CBLIF: variants seen among roughly 807,000 people sequenced by gnomAD.
CBLIF encodes cobalamin binding intrinsic factor.
A neutral mutation model predicts 44.9 loss-of-function variants in CBLIF; 24 were observed. The ratio of observed to expected loss-of-function variants is 0.53; its 90% CI spans 0.39 to 0.75. CBLIF has a LOEUF of 0.75. Ranked by LOEUF, CBLIF falls within the 30% of genes least tolerant of loss-of-function variation. CBLIF has a pLI of 0.00. For synonymous variants in CBLIF, 183 were observed against 190.9 expected (o/e 0.96, Z 0.34); for missense variants, 481 against 513.0 (o/e 0.94, Z 0.60).
At chr11:59,843,777 G>T in intron 2 of CBLIF, 102 bp downstream of exon 2, 1 of 869,538 alleles carries the variant, frequency 1.2e-6, no homozygotes, top group Non-Finnish European at 2.0e-6. Context: ...TTTATTTACA[G>T]TCAGAGGCAG....
chr11:59,829,528 G>T lies in CBLIF; in HGVS notation c.1210C>A (p.Pro404Thr). The T allele has an allele frequency of 6.2e-7, 1 of 1,609,634 alleles. No individual in the cohort carries two copies. Among genetic ancestry groups the T allele is most frequent in the Non-Finnish European group, 8.5e-7 (1 of 1,175,888 alleles). ...PLNEGVADYI[P>T]FNHEHITANF... ...GCTGTGATGTGCTCGTGGTTGAAGG[G>T]TATGTAGTCAGCAACCCCTGGAAAT... Residue 404 changes from proline to threonine, a missense_variant, in exon 9 of 9, where the codon CCC becomes ACC. Transcript: ENST00000257248.
intron 8 of CBLIF, among the ~76,000 whole-genome samples, chr11:59,830,335 C>T (rs949712057): frequency 4.8e-5 from 7 of 147,020 alleles, no homozygotes; most frequent in Admixed American, 4.2e-4. Context: ...CTCCTGGGTT[C>T]ATGCCATTCA....
chr11:59,843,360 G>C (rs1161353648), intron 2 of CBLIF, among the ~76,000 whole-genome samples: 4 of 152,018 alleles, frequency 2.6e-5, no homozygotes, highest in Non-Finnish European at 4.4e-5. Context: ...TCTAGTATTT[G>C]GTATTTGAGA....
At chr11:59,834,870 C>T (rs994360457) in intron 7 of CBLIF, among the ~76,000 whole-genome samples, 4 of 152,074 alleles carry the variant, frequency 2.6e-5, no homozygotes, top group East Asian at 1.9e-4. Flanking sequence ...GGTGTGGGTC[C>T]GTGTATCCCA....
chr11:59,837,763 G>T (rs1458923225), intron 5 of CBLIF, among the ~76,000 whole-genome samples: 1 of 152,110 alleles, frequency 6.6e-6, no homozygotes, highest in Non-Finnish European at 1.5e-5. Flanking sequence ...CTTTGTGCTT[G>T]TGTCAGGACT....
At chr11:59,832,882 A>G (rs1456425247) in intron 7 of CBLIF, among the ~76,000 whole-genome samples, 1 of 152,198 alleles carries the variant, frequency 6.6e-6, no homozygotes, top group Middle Eastern at 3.2e-3. Flanking sequence ...GAAGCCATGA[A>G]AATATTTGTC....
intron 6 of CBLIF, 143 bp downstream of exon 6, chr11:59,837,031 C>A: frequency 1.4e-6 from 1 of 720,806 alleles, no homozygotes; most frequent in Non-Finnish European, 2.5e-6. Flanking sequence ...CTAGCACACA[C>A]TCTTAAGGAC....
At position 59,834,311 on chromosome 11, in the gene CBLIF, T is replaced by TCTTTCTTTCTTTCTTCCTTC. The variant is rs1555012146; in HGVS notation, c.1073+1496_1073+1497insGAAGGAAGAAAGAAAGAAAG. The stretch of plus-strand genomic sequence containing the variant: ...TTCTTTCTTTCTTTCTTTCTTTCTT[T>TCTTTCTTTCTTTCTTCCTTC]CTTCCTTCCTTCCTTCCTTCCTTCC... On this transcript the variant is annotated intron_variant, in intron 7 of 8. Transcript: ENST00000257248. Among the ~76,000 whole-genome samples, 26 of 35,554 alleles carry TCTTTCTTTCTTTCTTCCTTC rather than the reference T, an allele frequency of 7.3e-4. 1 individual carries two copies. Among genetic ancestry groups the TCTTTCTTTCTTTCTTCCTTC allele is most frequent in the East Asian group, 2.1e-3 (3 of 1,396 alleles). The allele number at this position is 35,554 out of a possible 152,430, so 23.3% of individuals were successfully genotyped here. A position where few individuals can be genotyped will look rare whatever the true frequency, so the allele number is the denominator to read the frequency against.
At chr11:59,832,179 A>G (rs185314945) in intron 7 of CBLIF, among the ~76,000 whole-genome samples, 2 of 152,298 alleles carry the variant, frequency 1.3e-5, no homozygotes, top group African/African-American at 4.8e-5. Flanking sequence ...TCGTGCTGCA[A>G]TGGACATGGA....
In CBLIF at chr11:59,835,891, G is replaced by C; in HGVS notation, c.990C>G (p.Asn330Lys). 1 of 1,614,008 alleles carries C rather than the reference G, an allele frequency of 6.2e-7. No homozygotes were observed. Among genetic ancestry groups the C allele is most frequent in the Non-Finnish European group, 8.5e-7 (1 of 1,179,904 alleles). ...NQLRGVELLF[N>K]ETINVSVKSG... is the part of the protein sequence containing the mutation. ...TTTTCACACTAACATTGATGGTCTCGTTGAAGAGCAGCTCAACCCCCCTCA... is the reference window on the plus strand; with the variant it reads ...TTTTCACACTAACATTGATGGTCTCCTTGAAGAGCAGCTCAACCCCCCTCA... Residue 330 changes from asparagine to lysine, a missense_variant, in exon 7 of 9, where the codon AAC (asparagine) becomes AAG (lysine). Asn to Lys is a moderately conservative substitution (Grantham distance 94, BLOSUM62 0). Coordinates refer to ENST00000257248, the MANE Select transcript of CBLIF (RefSeq NM_005142.3).
intron 7 of CBLIF, among the ~76,000 whole-genome samples, chr11:59,834,027 C>A (rs968746320): frequency 5.3e-5 from 8 of 152,218 alleles, no homozygotes; most frequent in African/African-American, 1.9e-4. Flanking sequence ...CTTCTTTGGG[C>A]CTAAGGGTTC....
chr11:59,832,378 A>G (rs556246452), intron 7 of CBLIF, among the ~76,000 whole-genome samples: 1 of 152,340 alleles, frequency 6.6e-6, no homozygotes, highest in Non-Finnish European at 1.5e-5. Context: ...AATGGGTAGT[A>G]GAATTAATAC....
Position 59,829,499 on chromosome 11 carries a change from A to T in CBLIF, c.1239T>A (p.Asn413Lys). The change falls in exon 9 of 9, where the codon AAT (asparagine) becomes AAA (lysine). Residue 413 changes from asparagine to lysine, a missense_variant. By Grantham distance (94) the Asn-to-Lys change is moderately conservative. Coordinates refer to ENST00000257248, the MANE Select transcript of CBLIF (RefSeq NM_005142.3). Reference protein sequence around the residue: ...IPFNHEHITANFTQY With the variant: ...IPFNHEHITAKFTQY ...CACCTCTTCGTTAGTACTGTGTGAAATTGGCTGTGATGTGCTCGTGGTTGA... is the reference window on the plus strand; with the variant it reads ...CACCTCTTCGTTAGTACTGTGTGAATTTGGCTGTGATGTGCTCGTGGTTGA... 6.2e-7 allele frequency: 1 copy of T among 1,610,082 alleles called. No homozygotes were observed. Among genetic ancestry groups the T allele is most frequent in the Non-Finnish European group, 8.5e-7 (1 of 1,176,286 alleles).
intron 8 of CBLIF, among the ~76,000 whole-genome samples, chr11:59,830,312 C>T (rs1388831382): frequency 1.3e-5 from 2 of 148,750 alleles, no homozygotes; most frequent in East Asian, 2.0e-4. Context: ...TCTCAGCTCA[C>T]TGCAAGCTTC....
intron 1 of CBLIF, 48 bp from the exon 2 acceptor site, chr11:59,844,103 TCAAAAACATTATCC>T: frequency 7.3e-7 from 1 of 1,375,364 alleles, no homozygotes; most frequent in Non-Finnish European, 1.0e-6. Context: ...TCATTCCTTC[TCAAAAACATTATCC>T]CCGTGTCTTT....
intron 7 of CBLIF, among the ~76,000 whole-genome samples, chr11:59,833,533 A>C (rs1277510780): frequency 1.3e-5 from 2 of 151,162 alleles, no homozygotes; most frequent in African/African-American, 2.5e-5. Flanking sequence ...AAAAAAAAAA[A>C]TTAAATAGTT....
At chr11:59,834,295 T>TCTTC (rs1565207489) in intron 7 of CBLIF, among the ~76,000 whole-genome samples, 2 of 133,788 alleles carry the variant, frequency 1.5e-5, no homozygotes, top group Admixed American at 7.8e-5. Flanking sequence ...TTTCTTTCTT[T>TCTTC]CTTTCTTTCT....
chr11:59,845,196 C>G, intron 1 of CBLIF, 179 bp downstream of exon 1: 1 of 812,618 alleles, frequency 1.2e-6, no homozygotes. Flanking sequence ...ATAGACTTGT[C>G]TCTCAAAGAA....
rs776001713 is a variant in CBLIF, at chr11:59,843,868, A to T, written c.256+11T>A. On this transcript the variant is annotated intron_variant, in intron 2 of 8. Coordinates refer to ENST00000257248, the MANE Select transcript of CBLIF (RefSeq NM_005142.3). ...GATTCAGGGAGAGTGCGAGCGGCTC[A>T]GATGTCTCACCGTTGTTGTCGCTGG... 3.7e-6 allele frequency: 6 copies of T among 1,605,234 alleles called. No homozygotes were observed. In the African/African-American group the frequency reaches 8.0e-5, roughly 21 times the overall value.
Sources: gnomAD v4.1 joint callset for allele counts (sites outside exome capture counted in the v4.1 genomes callset) on GRCh38, gnomAD v4.1.1 for gene constraint, MANE v1.5 for transcripts, NCBI Gene and HGNC (gene_info 2026-07-23, HGNC 2026-07-21) for gene names.